TAFA2: variants seen among roughly 807,000 people sequenced by gnomAD.
TAFA2 encodes the protein chemokine-like protein TAFA-2.
A neutral mutation model predicts 18.8 loss-of-function variants in TAFA2; 7 were observed. That is an observed-to-expected ratio of 0.37 (90% CI 0.21 to 0.70). The LOEUF is 0.70. TAFA2 is among the 30% of genes least tolerant of loss of function. The pLI, the probability that TAFA2 is intolerant of heterozygous loss-of-function variation, is 0.53. For missense variants in TAFA2, 122 were observed against 158.1 expected (o/e 0.77, Z 1.23); for synonymous variants, 60 against 54.2 (o/e 1.11, Z -0.47).
chr12:62,170,663 T>A (rs2062471272), intron 1 of TAFA2, among the ~76,000 whole-genome samples: 1 of 148,480 alleles, frequency 6.7e-6, no homozygotes, highest in South Asian at 2.2e-4. Context: ...TGCAGTTTTT[T>A]TACATCGATA....
intron 1 of TAFA2, among the ~76,000 whole-genome samples, chr12:62,004,657 T>C (rs1197464497): frequency 6.6e-6 from 1 of 152,118 alleles, no homozygotes; most frequent in African/African-American, 2.4e-5. Context: ...AACTACTATA[T>C]GACCCAGAAT....
At chr12:62,078,762 C>A (rs1868276099) in intron 1 of TAFA2, among the ~76,000 whole-genome samples, 1 of 152,198 alleles carries the variant, frequency 6.6e-6, no homozygotes, top group Admixed American at 6.5e-5. Flanking sequence ...GCCTATTAAA[C>A]CTTGCCTGAG....
At chr12:61,879,322 CCAT>C in intron 1 of TAFA2, 3 of 551,868 alleles carry the variant, frequency 5.4e-6, no homozygotes, top group Non-Finnish European at 9.6e-6. Flanking sequence ...TCCACCATGT[CCAT>C]CAAGGTGATC....
chr12:62,240,098 T>G (rs2062855539), intron 1 of TAFA2, among the ~76,000 whole-genome samples: 1 of 151,080 alleles, frequency 6.6e-6, no homozygotes, highest in South Asian at 2.1e-4. Flanking sequence ...AAATATATAC[T>G]AAATATGTTA....
At chr12:62,016,551 T>C (rs995275736) in intron 1 of TAFA2, among the ~76,000 whole-genome samples, 7 of 152,162 alleles carry the variant, frequency 4.6e-5, no homozygotes, top group Non-Finnish European at 8.8e-5. Context: ...CCTCAGACCC[T>C]TCTTCCCACA....
chr12:61,755,143 C>T (rs1376794677), intron 2 of TAFA2, 119 bp from the exon 3 acceptor site: 26 of 823,934 alleles, frequency 3.2e-5, no homozygotes, highest in South Asian at 2.6e-4. Flanking sequence ...AGGCATGAAA[C>T]GAGAAATACA....
At chr12:61,769,956 G>A (rs939288841) in intron 2 of TAFA2, among the ~76,000 whole-genome samples, 2 of 151,966 alleles carry the variant, frequency 1.3e-5, no homozygotes, top group African/African-American at 4.8e-5. Context: ...AGGCACCAGA[G>A]AAAGGTGAAT....
chr12:62,139,033 G>GT (rs2062219852), intron 1 of TAFA2, among the ~76,000 whole-genome samples: 1 of 152,118 alleles, frequency 6.6e-6, no homozygotes, highest in Non-Finnish European at 1.5e-5. Flanking sequence ...GACATCTATG[G>GT]TTTTAAGAAA....
intron 1 of TAFA2, among the ~76,000 whole-genome samples, chr12:61,950,597 T>C (rs1010376350): frequency 2.3e-4 from 35 of 152,214 alleles, no homozygotes; most frequent in African/African-American, 8.4e-4. Flanking sequence ...TTGCCCATTT[T>C]TAATTGAGTT....
chr12:62,167,417 T>C (rs1205772163), intron 1 of TAFA2, among the ~76,000 whole-genome samples: 6 of 152,202 alleles, frequency 3.9e-5, no homozygotes, highest in African/African-American at 9.6e-5. Flanking sequence ...CTTTTAGTAA[T>C]CATTTTTGGT....
chr12:61,796,461 TA>T (rs1194724556), intron 2 of TAFA2, among the ~76,000 whole-genome samples: 1 of 152,130 alleles, frequency 6.6e-6, no homozygotes, highest in African/African-American at 2.4e-5. Context: ...GAAATTCTTT[TA>T]AAAAATGCAA....
At chr12:61,824,591 A>C (rs1269597598) in intron 2 of TAFA2, among the ~76,000 whole-genome samples, 1 of 152,186 alleles carries the variant, frequency 6.6e-6, no homozygotes, top group Non-Finnish European at 1.5e-5. Flanking sequence ...ATTGTCTCAG[A>C]ATACTGAAAT....
intron 1 of TAFA2, among the ~76,000 whole-genome samples, chr12:62,057,828 A>G (rs1019701504): frequency 1.1e-4 from 16 of 143,428 alleles, no homozygotes; most frequent in Non-Finnish European, 1.3e-4. Flanking sequence ...CATTGTTTTT[A>G]TTGATTCATG....
At chr12:61,945,744 T>G (rs967228692) in intron 1 of TAFA2, among the ~76,000 whole-genome samples, 4 of 141,218 alleles carry the variant, frequency 2.8e-5, no homozygotes, top group African/African-American at 8.1e-5. Flanking sequence ...GAATCCAACT[T>G]ACAAGGGATG....
chr12:61,963,859 T>C (rs1878974807), intron 1 of TAFA2, among the ~76,000 whole-genome samples: 2 of 152,030 alleles, frequency 1.3e-5, no homozygotes, highest in Non-Finnish European at 1.5e-5. Flanking sequence ...CAAAACAGCA[T>C]GGTACTGGTA....
chr12:62,079,529 T>A (rs151050779), intron 1 of TAFA2, among the ~76,000 whole-genome samples: 39 of 151,014 alleles, frequency 2.6e-4, no homozygotes, highest in African/African-American at 9.2e-4. Context: ...CCAGACATAG[T>A]GGCATGTGCC....
chr12:61,947,531 A>T (rs1878320100), intron 1 of TAFA2, among the ~76,000 whole-genome samples: 1 of 152,086 alleles, frequency 6.6e-6, no homozygotes. Context: ...TTCTCACAAA[A>T]CCTGAAAACT....
chr12:62,120,692 A>G (rs2136878853), intron 1 of TAFA2, among the ~76,000 whole-genome samples: 1 of 152,190 alleles, frequency 6.6e-6, no homozygotes, highest in South Asian at 2.1e-4. Flanking sequence ...ATGAAAATCT[A>G]TAATGCCCAC....
rs573243314 is a variant in TAFA2 at position 62,175,027 on chromosome 12, T to C, written c.-2+16232A>G. Among the ~76,000 whole-genome samples, 246 of 152,280 alleles carry C rather than the reference T, an allele frequency of 1.6e-3. 1 individual carries two copies. The highest frequency in any genetic ancestry group is 2.9e-3 in the Non-Finnish European group (197 of 68,018). On this transcript the variant is annotated intron_variant, in intron 1 of 4. Transcript: ENST00000416284. The stretch of plus-strand genomic sequence containing the variant: ...CTATTAGATGCTCCACATACAACGA[T>C]TGAATTAATAAGTGTATTGATGAGC...
Sources: allele counts gnomAD v4.1 joint callset (sites outside exome capture counted in the v4.1 genomes callset), GRCh38; gene constraint gnomAD v4.1.1; transcripts MANE v1.5; gene names NCBI Gene and HGNC (gene_info 2026-07-23, HGNC 2026-07-21).